The following RPGR variants were observed in gnomAD, a reference collection of about 807,000 sequenced individuals.
The protein encoded by RPGR is retinitis pigmentosa GTPase regulator, also known as X-linked retinitis pigmentosa GTPase regulator.
In RPGR, 10 loss-of-function variants were observed where a neutral mutation model predicts 56.3. That is an observed-to-expected ratio of 0.18 (90% CI 0.11 to 0.30). The LOEUF (loss-of-function observed/expected upper bound fraction) is 0.30, where lower values mean the gene tolerates loss of function less well. Ranked by LOEUF, RPGR falls within the 10% of genes least tolerant of loss-of-function variation. The pLI, the probability that RPGR is intolerant of heterozygous loss-of-function variation, is 1.00. For missense variants in RPGR, 538 were observed against 590.9 expected, an observed-to-expected ratio of 0.91 and a Z score of 0.93; for synonymous variants, 197 against 212.9, an observed-to-expected ratio of 0.93 and a Z score of 0.65.
chrX:38,304,879 T>C, intron 7 of RPGR, 89 bp from the exon 8 acceptor site: 1 of 877,345 alleles, frequency 1.1e-6, no homozygotes, highest in Non-Finnish European at 1.7e-6. Flanking sequence ...GTTCAACCTT[T>C]TATAGTGAAG....
intron 15 of RPGR, chrX:38,285,994 TCTTCCTCCCCTTCTTCTTCCC>T (rs1356548428): frequency 1.2e-6 from 1 of 850,953 alleles, no homozygotes. Flanking sequence ...TCCCTCTCCT[TCTTCCTCCCCTTCTTCTTCCC>T]CTTCCTCCTC....
chrX:38,317,437 G>T lies in RPGR; in HGVS notation c.498C>A (p.Asp166Glu). 2 of 1,209,938 alleles carry T rather than the reference G, an allele frequency of 1.7e-6. No homozygotes were observed. The highest frequency in any genetic ancestry group is 2.2e-6 in the Non-Finnish European group (2 of 894,190). ...TTAAACCAATTTGCCCTTCGGAATT[G>T]TCACCCCACATAAAAAGTCTTCCAT... The change falls in exon 6 of 19, where the codon GAC (aspartate) becomes GAA (glutamate). Residue 166 changes from aspartate to glutamate, a missense_variant. Coordinates refer to ENST00000642395, the MANE Select transcript of RPGR (RefSeq NM_000328.3).
In RPGR at chrX:38,271,035, C is replaced by T. The variant is rs150313801; in HGVS notation, c.2242-1203G>A. Among the ~76,000 whole-genome samples, 371 of 111,368 alleles carry T rather than the reference C, an allele frequency of 3.3e-3. 3 individuals carry two copies. The highest frequency in any genetic ancestry group is 0.012 in the African/African-American group (355 of 30,628). Reference sequence around the variant, plus strand: ...TGATTTAGGCCCTTTGAGAATGTAGCCAGGAAGAAAATAGGATTATTGAAG... The same window carrying T: ...TGATTTAGGCCCTTTGAGAATGTAGTCAGGAAGAAAATAGGATTATTGAAG... On this transcript the variant is annotated intron_variant, in intron 18 of 18. Transcript: ENST00000642395.
At chrX:38,290,697 A>G (rs923784929) in intron 13 of RPGR, among the ~76,000 whole-genome samples, 1 of 111,787 alleles carries the variant, frequency 8.9e-6, no homozygotes, top group African/African-American at 3.2e-5. Context: ...TGACAGAAGG[A>G]AAAGTATGGC....
intron 18 of RPGR, among the ~76,000 whole-genome samples, chrX:38,273,228 G>A (rs966202677): frequency 1.8e-5 from 2 of 111,975 alleles, no homozygotes; most frequent in Admixed American, 1.9e-4. Context: ...CAAAGGAAAG[G>A]TAGTATATTA....
At chrX:38,322,017 G>C (rs1186801723) in intron 3 of RPGR, among the ~76,000 whole-genome samples, 3 of 111,874 alleles carry the variant, frequency 2.7e-5, no homozygotes, top group African/African-American at 9.7e-5. Flanking sequence ...GAGAGTAAGG[G>C]TCATGGTCAC....
intron 15 of RPGR, chrX:38,285,466 C>A: frequency 2.5e-6 from 3 of 1,203,365 alleles, no homozygotes; most frequent in Non-Finnish European, 3.4e-6. Context: ...TTTAATAACA[C>A]GTAATGAGTG....
intron 18 of RPGR, among the ~76,000 whole-genome samples, chrX:38,273,044 G>C (rs2066871223): frequency 8.9e-6 from 1 of 111,983 alleles, no homozygotes; most frequent in Admixed American, 9.5e-5. Context: ...ATTCTTCTAA[G>C]GTCCTGGCAT....
At chrX:38,299,855 C>A in intron 9 of RPGR, among the ~76,000 whole-genome samples, 1 of 111,178 alleles carries the variant, frequency 9.0e-6, no homozygotes, top group Non-Finnish European at 1.9e-5. Context: ...TTTTGTATAT[C>A]CCTTTTAAAA....
chrX:38,323,776 T>C (rs2067992916), intron 1 of RPGR, among the ~76,000 whole-genome samples: 1 of 112,154 alleles, frequency 8.9e-6, no homozygotes, highest in Non-Finnish European at 1.9e-5. Context: ...GTAAGAAATA[T>C]ACTATCACAA....
intron 16 of RPGR, among the ~76,000 whole-genome samples, chrX:38,276,357 C>CGG: frequency 8.9e-6 from 1 of 111,746 alleles, no homozygotes; most frequent in East Asian, 2.8e-4. Flanking sequence ...TCCACTCATG[C>CGG]GGGAGGCAGA....
At chrX:38,319,117 G>A in intron 4 of RPGR, 130 bp from the exon 5 acceptor site, 1 of 658,842 alleles carries the variant, frequency 1.5e-6, no homozygotes, top group South Asian at 2.6e-5. Context: ...TATTATTTGG[G>A]AGACAACTTC....
rs759226369 is a variant in RPGR at position 38,301,192 on chromosome X, A to G, written c.1059+55T>C. On this transcript the variant is annotated intron_variant, in intron 9 of 18. Coordinates refer to ENST00000642395, the MANE Select transcript of RPGR (RefSeq NM_000328.3). ...ATTACTTATTTTCTATGAAATACTGAAAGACTCAAATACAGTAATATGAAA... is the reference window on the plus strand; with the variant it reads ...ATTACTTATTTTCTATGAAATACTGGAAGACTCAAATACAGTAATATGAAA... The G allele has an allele frequency of 1.6e-4, 162 of 1,024,877 alleles. No homozygotes were observed. The African/African-American group carries it at 2.8e-3, about 17-fold the overall frequency. 84.5% of individuals were successfully genotyped at this position (1,024,877 alleles called of 1,213,427 possible).
At chrX:38,327,077 G>A (rs1601994208) in intron 1 of RPGR, 2 of 317,073 alleles carry the variant, frequency 6.3e-6, no homozygotes. Context: ...AAAAAAAAGT[G>A]TCCCTGCCTT....
chrX:38,277,726 T>G (rs2066960946), intron 15 of RPGR, among the ~76,000 whole-genome samples: 1 of 112,149 alleles, frequency 8.9e-6, no homozygotes, highest in Non-Finnish European at 1.9e-5. Flanking sequence ...CATATCCCCT[T>G]CAACACTGTA....
intron 13 of RPGR, among the ~76,000 whole-genome samples, chrX:38,290,164 T>G (rs1411882342): frequency 8.9e-6 from 1 of 112,250 alleles, no homozygotes; most frequent in Non-Finnish European, 1.9e-5. Context: ...TTTAAGAGTT[T>G]TAAACTTGAA....
At chrX:38,303,842 G>A in intron 8 of RPGR, 1 of 296,390 alleles carries the variant, frequency 3.4e-6, no homozygotes, top group Non-Finnish European at 5.9e-6. Flanking sequence ...AAAAAAAGTA[G>A]AAATACTAGT....
intron 5 of RPGR, among the ~76,000 whole-genome samples, chrX:38,318,229 T>C (rs1191302870): frequency 1.8e-5 from 2 of 110,984 alleles, no homozygotes; most frequent in South Asian, 3.8e-4. Flanking sequence ...ACTTAAGGGC[T>C]GACAAAATCT....
intron 6 of RPGR, among the ~76,000 whole-genome samples, 184 bp from the exon 7 acceptor site, chrX:38,310,957 A>C (rs1412211559): frequency 8.9e-6 from 1 of 112,399 alleles, no homozygotes; most frequent in Non-Finnish European, 1.9e-5. Flanking sequence ...TAATCCAATC[A>C]TTTTCATGAA....
Sources: allele counts gnomAD v4.1 joint callset (sites outside exome capture counted in the v4.1 genomes callset), GRCh38; gene constraint gnomAD v4.1.1; transcripts MANE v1.5; gene names NCBI Gene and HGNC (gene_info 2026-07-23, HGNC 2026-07-21).